MGAT4C: variants seen among roughly 807,000 people sequenced by gnomAD.
MGAT4C encodes the protein MGAT4 family member C.
MGAT4C carries 19 observed loss-of-function variants against 40.1 expected under a neutral mutation model. That is an observed-to-expected ratio of 0.47 (90% CI 0.33 to 0.70). The LOEUF is 0.70. MGAT4C is among the 30% of genes least tolerant of loss of function. The pLI, the probability that MGAT4C is intolerant of heterozygous loss-of-function variation, is 0.02. For synonymous variants in MGAT4C, 181 were observed against 187.1 expected (o/e 0.97, Z 0.27); for missense variants, 491 against 563.2 (o/e 0.87, Z 1.30).
chr12:86,514,109 C>CAA (rs797003008), intron 2 of MGAT4C, among the ~76,000 whole-genome samples: 2 of 146,730 alleles, frequency 1.4e-5, no homozygotes, highest in Non-Finnish European at 3.0e-5. Context: ...CACACACACA[C>CAA]AACCCCGGCT....
intron 1 of MGAT4C, among the ~76,000 whole-genome samples, chr12:86,099,307 T>C (rs1874510629): frequency 6.6e-6 from 1 of 151,470 alleles, no homozygotes; most frequent in African/African-American, 2.4e-5. Context: ...CTGAGAATTG[T>C]TCCTCACTAT....
At chr12:86,261,621 T>C (rs1412201337) in intron 4 of MGAT4C, among the ~76,000 whole-genome samples, 1 of 152,100 alleles carries the variant, frequency 6.6e-6, no homozygotes, top group Non-Finnish European at 1.5e-5. Flanking sequence ...TCGTACTCTA[T>C]TGATTTTCAA....
intron 2 of MGAT4C, among the ~76,000 whole-genome samples, chr12:86,571,129 A>G (rs971149500): frequency 2.0e-5 from 3 of 151,968 alleles, no homozygotes; most frequent in African/African-American, 7.3e-5. Flanking sequence ...TTTAACTTTA[A>G]TCACTCTTTC....
intron 3 of MGAT4C, among the ~76,000 whole-genome samples, chr12:86,424,572 C>G (rs995797475): frequency 6.6e-6 from 1 of 152,128 alleles, no homozygotes; most frequent in Non-Finnish European, 1.5e-5. Flanking sequence ...AATAATACCT[C>G]CCCAGCTTCT....
intron 1 of MGAT4C, among the ~76,000 whole-genome samples, chr12:86,735,431 G>A (rs1360215878): frequency 2.6e-5 from 4 of 151,816 alleles, no homozygotes; most frequent in Non-Finnish European, 5.9e-5. Flanking sequence ...AGGTAGACAC[G>A]GAAGCCAGGC....
At chr12:86,814,654 T>C (rs1463749037) in intron 1 of MGAT4C, among the ~76,000 whole-genome samples, 1 of 151,996 alleles carries the variant, frequency 6.6e-6, no homozygotes, top group African/African-American at 2.4e-5. Context: ...AATTCATGTG[T>C]TGAAATCTAA....
intron 2 of MGAT4C, among the ~76,000 whole-genome samples, chr12:86,479,306 TAAAG>T (rs1397777029): frequency 6.6e-6 from 1 of 151,998 alleles, no homozygotes; most frequent in Non-Finnish European, 1.5e-5. Flanking sequence ...ATCAATACTA[TAAAG>T]AAATAGTAGA....
Position 86,376,218 on chromosome 12 carries a change from CA to C in MGAT4C, c.-119-42092del, listed in dbSNP as rs1166300466. On this transcript the variant is annotated intron_variant, in intron 3 of 7. Transcript: ENST00000548651. ...TGAGAGACATGGAGATAACACATGT[CA>C]AAAAAAAAAAAAAAAAAAAAGAGCC... Among the ~76,000 whole-genome samples the C allele has an allele frequency of 5.2e-3, 263 of 50,772 alleles. 1 individual carries two copies. The highest frequency in any genetic ancestry group is 0.014 in the South Asian group (21 of 1,528). The allele number at this position is 50,772 out of a possible 152,430, so 33.3% of individuals were successfully genotyped here. A position where few individuals can be genotyped will look rare whatever the true frequency, so the allele number is the denominator to read the frequency against.
chr12:86,199,275 G>A (rs1267655692), intron 1 of MGAT4C, among the ~76,000 whole-genome samples: 2 of 152,072 alleles, frequency 1.3e-5, no homozygotes, highest in Non-Finnish European at 2.9e-5. Flanking sequence ...GGAGTATGAA[G>A]GCTTATGGCA....
chr12:86,795,613 AG>A (rs1952101027), intron 1 of MGAT4C, among the ~76,000 whole-genome samples: 1 of 149,600 alleles, frequency 6.7e-6, no homozygotes, highest in South Asian at 2.1e-4. Flanking sequence ...AGAGAGAGAG[AG>A]AAAGAGAGAG....
intron 2 of MGAT4C, among the ~76,000 whole-genome samples, chr12:86,684,656 A>G (rs1047240301): frequency 1.3e-5 from 2 of 152,178 alleles, no homozygotes; most frequent in African/African-American, 4.8e-5. Context: ...CAACAGTGTA[A>G]AAGCATTCAT....
rs534503258 is a variant in MGAT4C, at chr12:86,179,236, G to A, written c.-57+77003C>T. Among the ~76,000 whole-genome samples, 12 of 152,334 alleles carry A rather than the reference G, an allele frequency of 7.9e-5. No individual in the cohort carries two copies. In the South Asian group the frequency reaches 2.1e-3, roughly 26 times the overall value. ...TTTTTCTCATGCCATTGCCATGTAA[G>A]AAGTGCCTTTCGCCTCCCACTGTGA... On this transcript the variant is annotated intron_variant, in intron 1 of 4. Coordinates refer to ENST00000611864, the MANE Select transcript of MGAT4C (RefSeq NM_001351288.2).
intron 2 of MGAT4C, among the ~76,000 whole-genome samples, chr12:86,654,721 CTT>C (rs35738979): frequency 2.1e-5 from 3 of 143,712 alleles, no homozygotes; most frequent in African/African-American, 5.0e-5. Context: ...TTCCCTGTAC[CTT>C]TTTTTTTTTT....
At chr12:86,133,370 G>A (rs1881514968) in intron 1 of MGAT4C, among the ~76,000 whole-genome samples, 2 of 152,142 alleles carry the variant, frequency 1.3e-5, no homozygotes, top group Admixed American at 6.5e-5. Context: ...TGTAAATGAC[G>A]ACTTTGTTAC....
At chr12:86,565,911 C>A (rs1294587709) in intron 2 of MGAT4C, among the ~76,000 whole-genome samples, 3 of 152,130 alleles carry the variant, frequency 2.0e-5, no homozygotes, top group African/African-American at 7.2e-5. Flanking sequence ...ATGGGGTCAG[C>A]AACATGGACT....
chr12:86,028,231 T>A lies in MGAT4C; in HGVS notation c.-7+21443A>T, dbSNP rs547586421. The A allele has an allele frequency of 2.5e-6, 3 of 1,215,846 alleles. No homozygotes were observed. The African/African-American group carries it at 4.7e-5, about 19-fold the overall frequency. The allele number at this position is 1,215,846 out of a possible 1,614,324, so 75.3% of individuals were successfully genotyped here. ...TGCTGATGGAAAAAAGTTCAAAATC[T>A]TTTTCATTATTATTAAAAGCTCCTA... On this transcript the variant is annotated intron_variant, in intron 2 of 4. Transcript: ENST00000611864.
chr12:86,525,266 C>T (rs1462567157), intron 2 of MGAT4C, among the ~76,000 whole-genome samples: 2 of 152,280 alleles, frequency 1.3e-5, no homozygotes, highest in African/African-American at 4.8e-5. Context: ...CTCCCACCAT[C>T]CTCTCTCTCC....
At chr12:86,616,909 T>G (rs1371340224) in intron 2 of MGAT4C, among the ~76,000 whole-genome samples, 1 of 152,092 alleles carries the variant, frequency 6.6e-6, no homozygotes, top group Non-Finnish European at 1.5e-5. Flanking sequence ...TCACTTTTAG[T>G]CCACCTACAC....
chr12:86,500,134 G>T (rs1422821871), intron 2 of MGAT4C, among the ~76,000 whole-genome samples: 3 of 151,816 alleles, frequency 2.0e-5, no homozygotes, highest in Non-Finnish European at 2.9e-5. Context: ...ATGTATGTAT[G>T]TGTATATATA....
Sources: gnomAD v4.1 joint callset for allele counts (sites outside exome capture counted in the v4.1 genomes callset) on GRCh38, gnomAD v4.1.1 for gene constraint, MANE v1.5 for transcripts, NCBI Gene and HGNC (gene_info 2026-07-23, HGNC 2026-07-21) for gene names.